Variants in PCGF5 observed in about 807,000 individuals in gnomAD.
The protein encoded by PCGF5 is polycomb group ring finger 5.
PCGF5 carries 9 observed loss-of-function variants against 44.3 expected under a neutral mutation model. The ratio of observed to expected loss-of-function variants is 0.20; its 90% CI spans 0.12 to 0.35. The LOEUF (loss-of-function observed/expected upper bound fraction) is 0.35, where lower values mean the gene tolerates loss of function less well. Among genes scored for constraint, PCGF5 ranks in the 10% least tolerant of loss-of-function variants. The probability of loss-of-function intolerance (pLI) is 1.00; values close to 1 mark genes in which losing one functional copy is unlikely to be tolerated. For synonymous variants in PCGF5, 95 were observed against 102.5 expected (o/e 0.93, Z 0.44); for missense variants, 146 against 305.3 (o/e 0.48, Z 3.89).
intron 1 of PCGF5, among the ~76,000 whole-genome samples, chr10:91,208,338 G>T (rs1011208296): frequency 6.6e-6 from 1 of 152,060 alleles, no homozygotes; most frequent in African/African-American, 2.4e-5. Context: ...CCTAGAGTTG[G>T]CCTAACTGCA....
At chr10:91,276,117 C>T (rs1474387816) in intron 9 of PCGF5, among the ~76,000 whole-genome samples, 1 of 140,638 alleles carries the variant, frequency 7.1e-6, no homozygotes, top group Admixed American at 6.9e-5. Context: ...AAAAAAAAAA[C>T]GAATGTAGAT....
chr10:91,190,772 G>A (rs947234824), intron 1 of PCGF5, among the ~76,000 whole-genome samples: 4 of 152,126 alleles, frequency 2.6e-5, no homozygotes, highest in African/African-American at 9.7e-5. Context: ...TGTAGATCTG[G>A]ATTATTGTGC....
At chr10:91,156,914 C>T in the PCGF5 span, among the ~76,000 whole-genome samples, 1 of 152,180 alleles carries the variant, frequency 6.6e-6, no homozygotes, top group African/African-American at 2.4e-5. Flanking sequence ...AAATTAACTA[C>T]TATATACTAA....
chr10:91,187,772 A>T (rs1323649888), intron 1 of PCGF5, among the ~76,000 whole-genome samples: 1 of 152,176 alleles, frequency 6.6e-6, no homozygotes, highest in African/African-American at 2.4e-5. Context: ...TGTACCTGAA[A>T]AATGTCTGTG....
intron 8 of PCGF5, among the ~76,000 whole-genome samples, chr10:91,265,503 A>G (rs1846030057): frequency 1.3e-5 from 2 of 151,946 alleles, no homozygotes; most frequent in Admixed American, 1.3e-4. Context: ...AACTAGATTT[A>G]TTATATTTTC....
intron 2 of PCGF5, among the ~76,000 whole-genome samples, chr10:91,227,020 A>G (rs1844858927): frequency 6.6e-6 from 1 of 152,188 alleles, no homozygotes; most frequent in African/African-American, 2.4e-5. Flanking sequence ...CATGGTTTAC[A>G]TGGCTGTGAG....
rs1385798950 is a variant in PCGF5 at position 91,222,743 on chromosome 10, T to G, written c.-129T>G. 6 of 541,866 alleles carry G rather than the reference T, an allele frequency of 1.1e-5. No individual in the cohort carries two copies. The East Asian group carries it at 1.8e-4, about 16-fold the overall frequency. 33.6% of individuals were successfully genotyped at this position (541,866 alleles called of 1,614,324 possible). A position where few individuals can be genotyped will look rare whatever the true frequency, so the allele number is the denominator to read the frequency against. ...TGATGATCAACGATCTCATGATAAA[T>G]CTGGATGCTAGTTCTCATGCCTCAG... is the stretch of plus-strand genomic sequence containing the variant. On this transcript the variant is annotated 5_prime_UTR_variant, in exon 2 of 10. Coordinates refer to ENST00000336126, the MANE Select transcript of PCGF5 (RefSeq NM_032373.5).
At chr10:91,169,041 G>A (rs1843556458) in intron 1 of PCGF5, among the ~76,000 whole-genome samples, 1 of 151,950 alleles carries the variant, frequency 6.6e-6, no homozygotes, top group South Asian at 2.1e-4. Flanking sequence ...GAGGACGTAG[G>A]AGGGCAATTA....
intron 1 of PCGF5, among the ~76,000 whole-genome samples, chr10:91,176,200 G>C (rs1325336873): frequency 2.0e-5 from 3 of 152,140 alleles, no homozygotes; most frequent in Non-Finnish European, 2.9e-5. Context: ...GAAATTCTGG[G>C]TTGAAAATTC....
At chr10:91,158,610 G>A (rs898460054), upstream of PCGF5, among the ~76,000 whole-genome samples, 1 of 152,168 alleles carries the variant, frequency 6.6e-6, no homozygotes, top group African/African-American at 2.4e-5. Flanking sequence ...ACTACATAAA[G>A]GTCATGGGGC....
intron 1 of PCGF5, among the ~76,000 whole-genome samples, chr10:91,186,886 T>C (rs1352831813): frequency 1.3e-5 from 2 of 152,216 alleles, no homozygotes; most frequent in Admixed American, 1.3e-4. Context: ...GGTGAGGGTT[T>C]GCTTCATCTT....
chr10:91,180,464 T>C (rs547240143), intron 1 of PCGF5, among the ~76,000 whole-genome samples: 2 of 152,166 alleles, frequency 1.3e-5, no homozygotes, highest in Non-Finnish European at 2.9e-5. Context: ...GGTTTTTATA[T>C]TTTTTTGTTT....
rs554827061 is a variant in PCGF5, at chr10:91,210,783, A to T, written c.-183-11906A>T. Among the ~76,000 whole-genome samples the T allele has an allele frequency of 4.6e-5, 7 of 152,364 alleles. No individual in the cohort carries two copies. The East Asian group carries it at 1.3e-3, about 29-fold the overall frequency. ...TTTAAAAATAATCACTGAAAATCAG[A>T]AATGTTTCCAGTTCTAACTCAAATC... On this transcript the variant is annotated intron_variant, in intron 1 of 9. Coordinates refer to the PCGF5 transcript ENST00000614189.
chr10:91,168,611 G>A (rs1411777547), intron 1 of PCGF5, among the ~76,000 whole-genome samples: 1 of 152,112 alleles, frequency 6.6e-6, no homozygotes, highest in Non-Finnish European at 1.5e-5. Flanking sequence ...CTTGAGGCAA[G>A]AAAAGTGTCA....
At position 91,241,602 on chromosome 10, in the gene PCGF5, G is replaced by A. The variant is rs997140485; in HGVS notation, c.209+1022G>A. Among the ~76,000 whole-genome samples, 11 of 150,942 alleles carry A rather than the reference G, an allele frequency of 7.3e-5. 1 individual carries two copies. The South Asian group carries it at 8.4e-4, about 11-fold the overall frequency. The stretch of plus-strand genomic sequence containing the variant: ...CTGTGTGATCTTTAAGAAACTACTC[G>A]TCTAGAATCCAGTGAAAAGCACAAA... On this transcript the variant is annotated intron_variant, in intron 3 of 9. Transcript: ENST00000336126.
At position 91,194,383 on chromosome 10, in the gene PCGF5, G is replaced by T. The variant is rs1844089385; in HGVS notation, c.-183-28306G>T. ...GGGAGAATGGCCAGAGAGATGCAAGGTTGCTGGATTTGAAGATGGAGGAAG... is the reference window on the plus strand; with the variant it reads ...GGGAGAATGGCCAGAGAGATGCAAGTTTGCTGGATTTGAAGATGGAGGAAG... On this transcript the variant is annotated intron_variant, in intron 1 of 9. Coordinates refer to the PCGF5 transcript ENST00000614189. Among the ~76,000 whole-genome samples the T allele has an allele frequency of 2.0e-5, 3 of 152,174 alleles. No homozygotes were observed. In the South Asian group the frequency reaches 6.2e-4, roughly 32 times the overall value.
At chr10:91,237,951 G>C (rs1004373843) in intron 2 of PCGF5, among the ~76,000 whole-genome samples, 2 of 152,086 alleles carry the variant, frequency 1.3e-5, no homozygotes, top group Non-Finnish European at 2.9e-5. Flanking sequence ...CTTTGGTAGA[G>C]ATAAAATGTG....
In PCGF5 at chr10:91,185,959, C is replaced by T. The variant is rs75227016; in HGVS notation, c.-184+22878C>T. ...TTCAATTGAAAGTGCTGTATTTACT[C>T]GCCCCTTTCATTCCTGTCTTTGAGA... On this transcript the variant is annotated intron_variant, in intron 1 of 9. Coordinates refer to the PCGF5 transcript ENST00000614189. Among the ~76,000 whole-genome samples the T allele has an allele frequency of 9.5e-3, 1,444 of 152,096 alleles. 24 individuals carry two copies. The highest frequency in any genetic ancestry group is 0.033 in the African/African-American group (1,365 of 41,400).
chr10:91,246,811 T>C (rs1401893738), intron 3 of PCGF5, among the ~76,000 whole-genome samples: 1 of 152,136 alleles, frequency 6.6e-6, no homozygotes, highest in Non-Finnish European at 1.5e-5. Context: ...ATGACTGGGC[T>C]ACTTAGTATT....
Sources: gnomAD v4.1 joint callset for allele counts (sites outside exome capture counted in the v4.1 genomes callset) on GRCh38, gnomAD v4.1.1 for gene constraint, MANE v1.5 for transcripts, NCBI Gene and HGNC (gene_info 2026-07-23, HGNC 2026-07-21) for gene names.